UGT1A10: variants seen among roughly 807,000 people sequenced by gnomAD.
UGT1A10 encodes the protein UDP-glucuronosyltransferase 1A10.
In UGT1A10, 49 loss-of-function variants were observed where a neutral mutation model predicts 45.8. That is an observed-to-expected ratio of 1.07 (90% confidence interval 0.85 to 1.36). UGT1A10 has a LOEUF of 1.36. Ranked by LOEUF, UGT1A10 falls within the 40% of genes most tolerant of loss-of-function variation. The probability of loss-of-function intolerance (pLI) is 0.00; values close to 1 mark genes in which losing one functional copy is unlikely to be tolerated. For missense variants in UGT1A10, 745 were observed against 668.6 expected, an observed-to-expected ratio of 1.11 and a Z score of -1.26; for synonymous variants, 284 against 249.7, an observed-to-expected ratio of 1.14 and a Z score of -1.29.
At chr2:233,726,389 CAT>C (rs2077529485) in intron 1 of UGT1A10, among the ~76,000 whole-genome samples, 1 of 152,150 alleles carries the variant, frequency 6.6e-6, no homozygotes, top group Non-Finnish European at 1.5e-5. Flanking sequence ...GCTTCCATCT[CAT>C]AGTCTTTTGA....
chr2:233,679,841 A>T (rs2074463720), intron 1 of UGT1A10, among the ~76,000 whole-genome samples: 1 of 152,136 alleles, frequency 6.6e-6, no homozygotes, highest in Non-Finnish European at 1.5e-5. Flanking sequence ...TTTTTCTCAA[A>T]TCACATTGGC....
intron 1 of UGT1A10, among the ~76,000 whole-genome samples, chr2:233,680,883 C>T (rs142329084): frequency 9.9e-5 from 15 of 152,050 alleles, no homozygotes; most frequent in East Asian, 2.0e-4. Context: ...AGCATAGGGA[C>T]GGCGACTCAC....
At chr2:233,756,820 A>C (rs1170883344) in intron 1 of UGT1A10, among the ~76,000 whole-genome samples, 1 of 152,072 alleles carries the variant, frequency 6.6e-6, no homozygotes, top group Admixed American at 6.5e-5. Context: ...CTCAATTCCA[A>C]GGGGAAAATG....
intron 1 of UGT1A10, among the ~76,000 whole-genome samples, chr2:233,765,966 G>A (rs538817499): frequency 3.1e-4 from 47 of 152,252 alleles, no homozygotes; most frequent in African/African-American, 1.1e-3. Context: ...GTGTCTAGAG[G>A]TGGATGTTTA....
At chr2:233,681,766 G>T (rs1013494150) in intron 1 of UGT1A10, 1 of 896,980 alleles carries the variant, frequency 1.1e-6, no homozygotes, top group Non-Finnish European at 1.3e-6. Flanking sequence ...CTCAGCAAAG[G>T]CTACTCATGT....
chr2:233,671,130 C>A (rs191774843), intron 1 of UGT1A10, among the ~76,000 whole-genome samples: 1 of 152,276 alleles, frequency 6.6e-6, no homozygotes, highest in Non-Finnish European at 1.5e-5. Flanking sequence ...CTGAGAGAGA[C>A]AAGTACATAT....
intron 1 of UGT1A10, among the ~76,000 whole-genome samples, chr2:233,687,201 G>A (rs1292818698): frequency 6.6e-6 from 1 of 152,100 alleles, no homozygotes; most frequent in African/African-American, 2.4e-5. Context: ...TAATTGGGTG[G>A]GTGATATGCA....
intron 1 of UGT1A10, among the ~76,000 whole-genome samples, chr2:233,681,574 A>G (rs2074531016): frequency 6.6e-6 from 1 of 150,892 alleles, no homozygotes; most frequent in Non-Finnish European, 1.5e-5. Context: ...TTTCTTTGTG[A>G]CAAATTCCAA....
chr2:233,733,972 G>A (rs2078461884), intron 1 of UGT1A10, among the ~76,000 whole-genome samples: 1 of 152,042 alleles, frequency 6.6e-6, no homozygotes, highest in South Asian at 2.1e-4. Flanking sequence ...AGGGGGAGCG[G>A]GGAGGGATAG....
In UGT1A10 at chr2:233,693,952, C is replaced by T. The variant is rs1040286901; in HGVS notation, c.855+56575C>T. ...ATTTGGCTCCTTGAGCCGACTGTCC[C>T]TTGGAGGATTTCCTGGAGAAACGGT... On this transcript the variant is annotated intron_variant, in intron 1 of 4. Coordinates refer to ENST00000344644, the MANE Select transcript of UGT1A10 (RefSeq NM_019075.4). The T allele has an allele frequency of 1.9e-6, 3 of 1,588,800 alleles. No homozygotes were observed. The African/African-American group carries it at 4.1e-5, about 21-fold the overall frequency.
intron 1 of UGT1A10, chr2:233,713,390 T>C (rs1223682421): frequency 6.2e-7 from 1 of 1,614,192 alleles, no homozygotes; most frequent in Admixed American, 1.7e-5. Context: ...AGCTACTGCA[T>C]AATGAGGCCC....
intron 1 of UGT1A10, among the ~76,000 whole-genome samples, chr2:233,675,505 A>G (rs1403446519): frequency 1.3e-5 from 2 of 152,190 alleles, no homozygotes; most frequent in African/African-American, 4.8e-5. Context: ...ATGGTTACAG[A>G]TAAATAAGAG....
chr2:233,658,402 T>C (rs1180002107), intron 1 of UGT1A10, among the ~76,000 whole-genome samples: 4 of 152,234 alleles, frequency 2.6e-5, no homozygotes, highest in South Asian at 2.1e-4. Flanking sequence ...TGAACTAAAG[T>C]CTGTGTTCTC....
chr2:233,704,663 T>A (rs1022501388), intron 1 of UGT1A10, among the ~76,000 whole-genome samples: 1 of 152,200 alleles, frequency 6.6e-6, no homozygotes, highest in Non-Finnish European at 1.5e-5. Flanking sequence ...GTTCTTTTCC[T>A]TTGTTCTTAT....
intron 1 of UGT1A10, among the ~76,000 whole-genome samples, chr2:233,668,538 T>G (rs2074122420): frequency 6.6e-6 from 1 of 152,216 alleles, no homozygotes; most frequent in African/African-American, 2.4e-5. Context: ...GTCTTTATAG[T>G]ACCATGATTT....
At chr2:233,706,756 T>C (rs534591277) in intron 1 of UGT1A10, among the ~76,000 whole-genome samples, 3 of 152,306 alleles carry the variant, frequency 2.0e-5, no homozygotes, top group African/African-American at 4.8e-5. Context: ...CAGAGTGCCG[T>C]ACACTGGTAT....
At chr2:233,641,051 C>T (rs2125463566) in intron 1 of UGT1A10, among the ~76,000 whole-genome samples, 1 of 152,282 alleles carries the variant, frequency 6.6e-6, no homozygotes, top group African/African-American at 2.4e-5. Context: ...CAAGTTATCT[C>T]ACTGCAACCT....
chr2:233,701,292 C>T (rs1285493084), intron 1 of UGT1A10, among the ~76,000 whole-genome samples: 1 of 152,100 alleles, frequency 6.6e-6, no homozygotes. Context: ...GAGGAATCGC[C>T]ACACTGTCTT....
rs1354287314 is a variant in UGT1A10 at position 233,652,144 on chromosome 2, C to A, written c.855+14767C>A. Among the ~76,000 whole-genome samples, 3 of 152,264 alleles carry A rather than the reference C, an allele frequency of 2.0e-5. No homozygotes were observed. In the East Asian group the frequency reaches 5.8e-4, roughly 29 times the overall value. On this transcript the variant is annotated intron_variant, in intron 1 of 4. Transcript: ENST00000344644. ...GAGAACTGGGGATGGGAGGTGACTG[C>A]ACAGCAAGAAAAGATCTGGGCTTCC...
Sources: gnomAD v4.1 joint callset for allele counts (sites outside exome capture counted in the v4.1 genomes callset) on GRCh38, gnomAD v4.1.1 for gene constraint, MANE v1.5 for transcripts, NCBI Gene and HGNC (gene_info 2026-07-23, HGNC 2026-07-21) for gene names.